Variants in LIN28A observed in about 807,000 individuals in gnomAD.
The protein encoded by LIN28A is protein lin-28 homolog A.
A neutral mutation model predicts 21.1 loss-of-function variants in LIN28A; 11 were observed. The observed-to-expected ratio is 0.52, with a 90% CI of 0.33 to 0.86. The LOEUF is 0.86. Among genes scored for constraint, LIN28A ranks in the 40% least tolerant of loss-of-function variants. The pLI is 0.03. For missense variants in LIN28A, 219 were observed against 279.8 expected (o/e 0.78, Z 1.55); for synonymous variants, 111 against 108.7 (o/e 1.02, Z -0.13).
rs984313733 is a variant in LIN28A, at chr1:26,428,720, T to C, written c.*2262T>C. 1.3e-5 allele frequency: 2 copies of C among 152,116 alleles called. No homozygotes were observed. Among genetic ancestry groups the C allele is most frequent in the Non-Finnish European group, 2.9e-5 (2 of 68,062 alleles). 9.4% of individuals were successfully genotyped at this position (152,116 alleles called of 1,614,324 possible). A position where few individuals can be genotyped will look rare whatever the true frequency, so the allele number is the denominator to read the frequency against. ...ACTCAGCTAATTTTTGTATTTTTAG[T>C]AGAGACGGGGTTTCACCATGTTGTC... On this transcript the variant is annotated 3_prime_UTR_variant, in exon 4 of 4. Transcript: ENST00000326279.
chr1:26,411,614 A>G lies in LIN28A; in HGVS notation c.228+32A>G. ...CTGATTCCGGTAACTTTGCCCAGGG[A>G]AGGGCGTCTAGGCGCCCATATCCAC... On this transcript the variant is annotated intron_variant, in intron 2 of 3. Transcript: ENST00000326279. The surrounding 1 kb of genome is among the most constrained non-coding windows in gnomAD (Gnocchi z 5.4). The G allele has an allele frequency of 6.3e-7, 1 of 1,598,474 alleles. No individual in the cohort carries two copies. The highest frequency in any genetic ancestry group is 8.5e-7 in the Non-Finnish European group (1 of 1,174,418).
chr1:26,419,092 G>A (rs2075014199), intron 2 of LIN28A, among the ~76,000 whole-genome samples: 1 of 152,142 alleles, frequency 6.6e-6, no homozygotes, highest in South Asian at 2.1e-4. Flanking sequence ...ATGGGGAAGG[G>A]GGCGGGGCCC....
rs2074953779 is a variant in LIN28A, at chr1:26,410,896, G to T, written c.5G>T (p.Gly2Val). 2 of 1,609,908 alleles carry T rather than the reference G, an allele frequency of 1.2e-6. No homozygotes were observed. The highest frequency in any genetic ancestry group is 1.7e-5 in the Admixed American group (1 of 58,148). The change falls in exon 1 of 4, where the codon GGC becomes GTC. Residue 2 changes from glycine to valine, a missense_variant. This residue lies in a region of LIN28A where 50 missense variants were observed against 49.0 expected (regional missense o/e 1.02). Transcript: ENST00000326279. M[G>V]SVSNQQFAGG... ...CCACGGGCTCAGCCGACGACCATGGGCTCCGTGTCCAACCAGCAGTTTGCA... is the reference window on the plus strand; with the variant it reads ...CCACGGGCTCAGCCGACGACCATGGTCTCCGTGTCCAACCAGCAGTTTGCA...
chr1:26,420,914 TTGG>T (rs1452971017), intron 2 of LIN28A, among the ~76,000 whole-genome samples: 1 of 152,108 alleles, frequency 6.6e-6, no homozygotes, highest in Admixed American at 6.6e-5. Context: ...TAATGTCAAG[TTGG>T]TGGTGCAGTA....
chr1:26,410,961 A>G, intron 1 of LIN28A, 39 bp downstream of exon 1: 1 of 1,592,188 alleles, frequency 6.3e-7, no homozygotes, highest in Non-Finnish European at 8.5e-7. Flanking sequence ...TTTAGGATTC[A>G]GGGGCGGCCA....
At chr1:26,419,330 G>A (rs1314645787) in intron 2 of LIN28A, among the ~76,000 whole-genome samples, 1 of 152,170 alleles carries the variant, frequency 6.6e-6, no homozygotes, top group Admixed American at 6.5e-5. Flanking sequence ...ACCTGCAGGG[G>A]TGGGGGTTTA....
intron 3 of LIN28A, 88 bp downstream of exon 3, chr1:26,425,575 C>A: frequency 8.0e-7 from 1 of 1,255,796 alleles, no homozygotes; most frequent in East Asian, 2.4e-5. Flanking sequence ...CTGCAAAAGA[C>A]AAAGGGAAGC....
chr1:26,414,366 C>T (rs2074981360), intron 2 of LIN28A, among the ~76,000 whole-genome samples: 1 of 152,184 alleles, frequency 6.6e-6, no homozygotes, highest in Admixed American at 6.5e-5. Context: ...CAGGGAGCCC[C>T]TTTGCAAATA....
intron 2 of LIN28A, among the ~76,000 whole-genome samples, chr1:26,415,940 T>G (rs2074990468): frequency 6.6e-6 from 1 of 152,206 alleles, no homozygotes. Context: ...TTGTGGAATC[T>G]TCTGGGGTCC....
intron 1 of LIN28A, 78 bp downstream of exon 1, chr1:26,411,000 T>C: frequency 6.4e-7 from 1 of 1,552,118 alleles, no homozygotes. Flanking sequence ...GGTGGGGAAC[T>C]GAGTCCTAGG....
rs1354929568 is a variant in LIN28A at position 26,426,105 on chromosome 1, TG to T, written c.414-136del. On this transcript the variant is annotated intron_variant, in intron 3 of 3. Transcript: ENST00000326279. ...GATCATTTAGTAATAGTCCTCCTTT[TG>T]CAAGTGGGAAGTTTGGTCTCTGGGA... The T allele has an allele frequency of 6.2e-6, 4 of 645,110 alleles. No homozygotes were observed. In the African/African-American group the frequency reaches 7.3e-5, roughly 12 times the overall value. 40.0% of individuals were successfully genotyped at this position (645,110 alleles called of 1,614,324 possible). A position where few individuals can be genotyped will look rare whatever the true frequency, so the allele number is the denominator to read the frequency against.
chr1:26,417,143 C>CG (rs1055614067), intron 2 of LIN28A, among the ~76,000 whole-genome samples: 7 of 152,182 alleles, frequency 4.6e-5, no homozygotes, highest in Non-Finnish European at 7.3e-5. Flanking sequence ...GACCAGGTAG[C>CG]GGGCCACTCA....
chr1:26,411,614 A>T lies in LIN28A; in HGVS notation c.228+32A>T, dbSNP rs1352784730. ...CTGATTCCGGTAACTTTGCCCAGGGAAGGGCGTCTAGGCGCCCATATCCAC... is the reference window on the plus strand; with the variant it reads ...CTGATTCCGGTAACTTTGCCCAGGGTAGGGCGTCTAGGCGCCCATATCCAC... On this transcript the variant is annotated intron_variant, in intron 2 of 3. Transcript: ENST00000326279. This position sits in a 1 kb window ranked among gnomAD's most constrained non-coding sequence, Gnocchi z 5.4. 6.3e-7 allele frequency: 1 copy of T among 1,598,474 alleles called. No individual in the cohort carries two copies. Among genetic ancestry groups the T allele is most frequent in the Non-Finnish European group, 8.5e-7 (1 of 1,174,418 alleles).
At chr1:26,422,216 C>T (rs1422445403) in intron 2 of LIN28A, among the ~76,000 whole-genome samples, 1 of 151,814 alleles carries the variant, frequency 6.6e-6, no homozygotes, top group Non-Finnish European at 1.5e-5. Context: ...TGCCATATTG[C>T]CCAAGCTGGT....
chr1:26,425,204 C>CCT, intron 2 of LIN28A, 99 bp from the exon 3 acceptor site: 1 of 1,154,130 alleles, frequency 8.7e-7, no homozygotes, highest in Non-Finnish European at 1.2e-6. Context: ...ATAGGAGTAC[C>CCT]ATCACATTTG....
At position 26,424,966 on chromosome 1, in the gene LIN28A, C is replaced by A. The variant is rs190945802; in HGVS notation, c.229-337C>A. On this transcript the variant is annotated intron_variant, in intron 2 of 3. Coordinates refer to ENST00000326279, the MANE Select transcript of LIN28A (RefSeq NM_024674.6). ...CCATGTTGGCCAAGCTGGTCTCGAA[C>A]TCCTGACTTCAGGTGATCCTCCCGC... is the stretch of plus-strand genomic sequence containing the variant. Among the ~76,000 whole-genome samples, 298 of 152,292 alleles carry A rather than the reference C, an allele frequency of 2.0e-3. 2 individuals carry two copies. The highest frequency in any genetic ancestry group is 0.017 in the Middle Eastern group (5 of 294).
intron 2 of LIN28A, among the ~76,000 whole-genome samples, chr1:26,416,064 C>T (rs1164502463): frequency 1.3e-5 from 2 of 152,114 alleles, no homozygotes; most frequent in Non-Finnish European, 2.9e-5. Context: ...ACGAACTCGG[C>T]TCACTGCAAC....
In LIN28A at chr1:26,411,477, G is replaced by T. The variant is rs1255617715; in HGVS notation, c.123G>T (p.Ala41=). The T allele has an allele frequency of 4.3e-6, 7 of 1,613,900 alleles. No individual in the cohort carries two copies. The highest frequency in any genetic ancestry group is 1.1e-5 in the South Asian group (1 of 91,088). The stretch of plus-strand genomic sequence containing the variant: ...ACGAGCCTCAGCTGCTGCACGGTGC[G>T]GGCATCTGTAAGTGGTTCAACGTGC... ...AADEPQLLHG[A]GICKWFNVRM... is the part of the protein sequence containing the mutation. The change falls in exon 2 of 4, where the codon GCG becomes GCT. Residue 41 remains alanine, a synonymous_variant. Coordinates refer to ENST00000326279, the MANE Select transcript of LIN28A (RefSeq NM_024674.6). The surrounding 1 kb of genome is among the most constrained non-coding windows in gnomAD (Gnocchi z 5.4).
intron 2 of LIN28A, among the ~76,000 whole-genome samples, chr1:26,423,413 CTTTTTTTTTTT>C (rs1202952934): frequency 1.3e-5 from 1 of 78,820 alleles, no homozygotes; most frequent in South Asian, 5.6e-4. Context: ...TTTTCTTTTT[CTTTTTTTTTTT>C]TTTTTTTTTT....
Sources: allele counts gnomAD v4.1 joint callset (sites outside exome capture counted in the v4.1 genomes callset), GRCh38; gene constraint gnomAD v4.1.1; regional missense constraint gnomAD v4.1.1; non-coding constraint Gnocchi (gnomAD v3.1); transcripts MANE v1.5; gene names NCBI Gene and HGNC (gene_info 2026-07-23, HGNC 2026-07-21).